The following KIAA1217 variants were observed in gnomAD, a reference collection of about 807,000 sequenced individuals.
The protein encoded by KIAA1217 is KIAA1217, also known as sickle tail protein homolog.
KIAA1217 carries 88 observed loss-of-function variants against 163.9 expected under a neutral mutation model. The ratio of observed to expected loss-of-function variants is 0.54; its 90% CI spans 0.45 to 0.64. The LOEUF (loss-of-function observed/expected upper bound fraction) is 0.64. Ranked by LOEUF, KIAA1217 falls within the 30% of genes least tolerant of loss-of-function variation. The pLI is 0.00. For missense variants in KIAA1217, 2,372 were observed against 2,475.0 expected, an observed-to-expected ratio of 0.96 and a Z score of 0.88; for synonymous variants, 903 against 923.1, an observed-to-expected ratio of 0.98 and a Z score of 0.39.
Position 24,429,518 on chromosome 10 carries a change from C to T in KIAA1217, c.554-3477C>T, listed in dbSNP as rs532394431. Among the ~76,000 whole-genome samples, 81 of 152,028 alleles carry T rather than the reference C, an allele frequency of 5.3e-4. 1 individual carries two copies. The highest frequency in any genetic ancestry group is 1.8e-3 in the African/African-American group (74 of 41,492). On this transcript the variant is annotated intron_variant, in intron 3 of 20. Transcript: ENST00000376454. ...TTCCCATCTCTCAGTCTCTTTTTTTCGGAGGGGAGGTGGCCTCCACTTTCT... is the reference window on the plus strand; with the variant it reads ...TTCCCATCTCTCAGTCTCTTTTTTTTGGAGGGGAGGTGGCCTCCACTTTCT...
At chr10:24,318,287 T>C (rs571415343) in intron 2 of KIAA1217, among the ~76,000 whole-genome samples, 11 of 152,280 alleles carry the variant, frequency 7.2e-5, no homozygotes, top group East Asian at 1.9e-4. Context: ...GATAGACAGA[T>C]AGACAGACAG....
intron 2 of KIAA1217, among the ~76,000 whole-genome samples, chr10:24,285,548 A>G (rs1163173109): frequency 2.6e-5 from 4 of 151,794 alleles, no homozygotes; most frequent in Non-Finnish European, 5.9e-5. Context: ...TTGTGGGTTT[A>G]TTTCTTATTC....
intron 6 of KIAA1217, among the ~76,000 whole-genome samples, chr10:24,489,981 C>T (rs1213948494): frequency 2.0e-5 from 3 of 151,650 alleles, no homozygotes; most frequent in Admixed American, 6.6e-5. Context: ...AGACCACCAG[C>T]GGTATGAATT....
chr10:23,963,274 C>A (rs1301267891), intron 1 of KIAA1217, among the ~76,000 whole-genome samples: 1 of 152,170 alleles, frequency 6.6e-6, no homozygotes, highest in East Asian at 1.9e-4. Flanking sequence ...TTGTCCCCCA[C>A]CCCTTGAGAG....
At chr10:24,064,637 A>T (rs1377646199) in intron 2 of KIAA1217, among the ~76,000 whole-genome samples, 1 of 152,222 alleles carries the variant, frequency 6.6e-6, no homozygotes, top group East Asian at 1.9e-4. Context: ...CTTTGGTATC[A>T]GGATGATGCT....
intron 1 of KIAA1217, among the ~76,000 whole-genome samples, chr10:23,772,795 T>G (rs534166454): frequency 1.9e-4 from 29 of 152,336 alleles, no homozygotes; most frequent in Middle Eastern, 3.4e-3. Flanking sequence ...ACAACATAAT[T>G]GTTCAGGCAC....
At chr10:24,390,161 C>T (rs1272021644) in intron 3 of KIAA1217, among the ~76,000 whole-genome samples, 1 of 152,140 alleles carries the variant, frequency 6.6e-6, no homozygotes, top group African/African-American at 2.4e-5. Context: ...TCTGACTGCA[C>T]AGGGGCCTAA....
rs571205599 is a variant in KIAA1217 at position 23,934,640 on chromosome 10, C to T, written c.-320-72585C>T. Among the ~76,000 whole-genome samples the T allele has an allele frequency of 9.3e-4, 80 of 86,016 alleles. 1 individual carries two copies. Among genetic ancestry groups the T allele is most frequent in the East Asian group, 9.3e-3 (34 of 3,656 alleles). The allele number at this position is 86,016 out of a possible 152,430, so 56.4% of individuals were successfully genotyped here. A position where few individuals can be genotyped will look rare whatever the true frequency, so the allele number is the denominator to read the frequency against. ...ATATATATATATTTTTTTTTTGAGA[C>T]GGAGTCTCGCTCTGTCACCCAGGCT... On this transcript the variant is annotated intron_variant, in intron 1 of 18. Coordinates refer to the KIAA1217 transcript ENST00000376462.
chr10:23,958,110 A>T (rs1279591232), intron 1 of KIAA1217, among the ~76,000 whole-genome samples: 4 of 152,220 alleles, frequency 2.6e-5, no homozygotes, highest in Admixed American at 1.3e-4. Flanking sequence ...GGACTGATGA[A>T]ATCTCCATAG....
chr10:23,851,864 G>A (rs1047646274), intron 1 of KIAA1217, among the ~76,000 whole-genome samples: 1 of 150,990 alleles, frequency 6.6e-6, no homozygotes, highest in African/African-American at 2.5e-5. Flanking sequence ...GGGGTTGTTT[G>A]TTTTTTTCTT....
At chr10:24,313,843 G>GTTTTTTTTTTTTT (rs35876174) in intron 2 of KIAA1217, among the ~76,000 whole-genome samples, 1 of 113,430 alleles carries the variant, frequency 8.8e-6, no homozygotes, top group African/African-American at 3.2e-5. Flanking sequence ...CCATCTGGTT[G>GTTTTTTTTTTTTT]TTTTTTTTTT....
At chr10:23,801,789 T>C (rs1390226830) in intron 1 of KIAA1217, among the ~76,000 whole-genome samples, 1 of 152,198 alleles carries the variant, frequency 6.6e-6, no homozygotes, top group Non-Finnish European at 1.5e-5. Flanking sequence ...GTGATAGTGA[T>C]AGAACCAGAT....
At chr10:24,409,175 C>G (rs924424098) in intron 3 of KIAA1217, among the ~76,000 whole-genome samples, 1 of 152,112 alleles carries the variant, frequency 6.6e-6, no homozygotes, top group Non-Finnish European at 1.5e-5. Flanking sequence ...GCTCAGATCC[C>G]AAAGGGGCTT....
intron 2 of KIAA1217, among the ~76,000 whole-genome samples, chr10:24,356,776 A>G (rs2049167350): frequency 1.3e-5 from 2 of 152,234 alleles, no homozygotes; most frequent in South Asian, 2.1e-4. Flanking sequence ...AGATGCTGGC[A>G]TCTTGATATT....
At chr10:24,343,178 G>A (rs2047318252) in intron 2 of KIAA1217, among the ~76,000 whole-genome samples, 2 of 152,102 alleles carry the variant, frequency 1.3e-5, no homozygotes, top group South Asian at 4.1e-4. Flanking sequence ...CTTTCTAAAG[G>A]TAGAATTGAT....
At chr10:23,874,663 C>A (rs974953010) in intron 1 of KIAA1217, among the ~76,000 whole-genome samples, 1 of 151,902 alleles carries the variant, frequency 6.6e-6, no homozygotes, top group African/African-American at 2.4e-5. Context: ...GGACCATACC[C>A]CAGACCAGTT....
intron 2 of KIAA1217, among the ~76,000 whole-genome samples, chr10:24,108,744 A>G (rs557973190): frequency 4.6e-5 from 7 of 152,216 alleles, no homozygotes; most frequent in African/African-American, 1.7e-4. Context: ...TGGCCCCTCA[A>G]TTGGAAAGTA....
chr10:24,412,803 A>G (rs1326008444), intron 3 of KIAA1217, among the ~76,000 whole-genome samples: 1 of 152,208 alleles, frequency 6.6e-6, no homozygotes, highest in Non-Finnish European at 1.5e-5. Flanking sequence ...TGACCGCTGT[A>G]GCCTGGATGT....
intron 2 of KIAA1217, among the ~76,000 whole-genome samples, chr10:24,253,517 CTTGA>C (rs1590246285): frequency 6.6e-6 from 1 of 152,156 alleles, no homozygotes; most frequent in Admixed American, 6.5e-5. Flanking sequence ...TTCTTACTTG[CTTGA>C]TTGTTTGTTT....
Sources: gnomAD v4.1 joint callset for allele counts (sites outside exome capture counted in the v4.1 genomes callset) on GRCh38, gnomAD v4.1.1 for gene constraint, MANE v1.5 for transcripts, NCBI Gene and HGNC (gene_info 2026-07-23, HGNC 2026-07-21) for gene names.